The following PARM1 variants were observed in gnomAD, a reference collection of about 807,000 sequenced individuals.
PARM1 encodes the protein WSC4, cell wall integrity and stress response component 4 homolog.
Under a neutral mutation model 24.6 loss-of-function variants are expected in PARM1, and 14 were observed. The observed-to-expected ratio is 0.57, with a 90% confidence interval of 0.38 to 0.89. The LOEUF (loss-of-function observed/expected upper bound fraction) is 0.89, where lower values mean the gene tolerates loss of function less well. PARM1 is among the 40% of genes least tolerant of loss of function. PARM1 has a pLI of 0.00. For missense variants in PARM1, 362 were observed against 380.4 expected (o/e 0.95, Z 0.40); for synonymous variants, 179 against 156.6 (o/e 1.14, Z -1.07).
chr4:75,007,930 A>G, intron 1 of PARM1, among the ~76,000 whole-genome samples: 1 of 152,242 alleles, frequency 6.6e-6, no homozygotes, highest in Admixed American at 6.5e-5. Flanking sequence ...CAGAAACTGA[A>G]TCAGACAGCA....
At chr4:74,966,246 C>T (rs764128421) in intron 1 of PARM1, among the ~76,000 whole-genome samples, 2 of 152,080 alleles carry the variant, frequency 1.3e-5, no homozygotes, top group Non-Finnish European at 2.9e-5. Context: ...TGTTTTAATA[C>T]GTCTTAAAAT....
chr4:74,934,406 G>T (rs545290512), intron 1 of PARM1, among the ~76,000 whole-genome samples: 1 of 152,290 alleles, frequency 6.6e-6, no homozygotes, highest in East Asian at 1.9e-4. Flanking sequence ...CTCTGAGTTC[G>T]TCGGGTTCCT....
intron 1 of PARM1, among the ~76,000 whole-genome samples, chr4:75,000,361 T>G (rs1440636816): frequency 3.3e-5 from 5 of 152,174 alleles, no homozygotes; most frequent in Admixed American, 2.6e-4. Context: ...ACAAGGTATA[T>G]AGTGTTTATT....
At chr4:74,939,672 C>A (rs1721261700) in intron 1 of PARM1, among the ~76,000 whole-genome samples, 1 of 152,070 alleles carries the variant, frequency 6.6e-6, no homozygotes, top group Admixed American at 6.5e-5. Flanking sequence ...GAAGCTGTGG[C>A]TATATAGAGC....
chr4:75,017,115 C>G (rs937121228), intron 2 of PARM1, among the ~76,000 whole-genome samples: 3 of 152,228 alleles, frequency 2.0e-5, no homozygotes, highest in South Asian at 4.1e-4. Context: ...CTGGGCTGAT[C>G]GCCTCCCGTC....
At chr4:74,972,046 G>A (rs909542732) in intron 1 of PARM1, among the ~76,000 whole-genome samples, 2 of 152,202 alleles carry the variant, frequency 1.3e-5, no homozygotes, top group African/African-American at 4.8e-5. Context: ...CTGTAAGTCT[G>A]CAAAGATGAG....
rs187291864 is a variant in PARM1, at chr4:74,950,197, A to C, written c.43+16827A>C. 1.7e-3 allele frequency among the ~76,000 whole-genome samples: 264 copies of C among 152,342 alleles called. 1 individual carries two copies. The highest frequency in any genetic ancestry group is 6.2e-4 in the Non-Finnish European group (42 of 68,040). On this transcript the variant is annotated intron_variant, in intron 1 of 3. Coordinates refer to ENST00000307428, the MANE Select transcript of PARM1 (RefSeq NM_015393.4). The stretch of plus-strand genomic sequence containing the variant: ...ATTGTCTGGGTTTCCTGAGGCTGCC[A>C]TAACAAATTACCATAAACTCGGAAA...
intron 1 of PARM1, among the ~76,000 whole-genome samples, chr4:75,007,867 G>A (rs969567709): frequency 2.0e-5 from 3 of 152,216 alleles, no homozygotes; most frequent in Non-Finnish European, 4.4e-5. Flanking sequence ...GAAAGGTCAC[G>A]TGAGGACACA....
At chr4:74,940,552 C>T (rs1721284350) in intron 1 of PARM1, among the ~76,000 whole-genome samples, 1 of 152,180 alleles carries the variant, frequency 6.6e-6, no homozygotes, top group African/African-American at 2.4e-5. Context: ...ATGATCTAAC[C>T]ACTTCCTAAA....
intron 2 of PARM1, among the ~76,000 whole-genome samples, chr4:75,019,614 C>T (rs1180768737): frequency 1.3e-5 from 2 of 152,188 alleles, no homozygotes; most frequent in Non-Finnish European, 2.9e-5. Context: ...TCCATACCTG[C>T]AAGGGACTTT....
chr4:75,019,242 T>C (rs919054968), intron 2 of PARM1, among the ~76,000 whole-genome samples: 1 of 152,210 alleles, frequency 6.6e-6, no homozygotes, highest in African/African-American at 2.4e-5. Context: ...CTGAACAACA[T>C]TGAATGGTGC....
At chr4:75,036,657 G>T (rs951270178) in intron 3 of PARM1, among the ~76,000 whole-genome samples, 2 of 152,074 alleles carry the variant, frequency 1.3e-5, no homozygotes, top group Admixed American at 1.3e-4. Flanking sequence ...TACTTACCAT[G>T]TTTGGAAAAT....
At chr4:75,035,946 T>G (rs1346820301) in intron 3 of PARM1, among the ~76,000 whole-genome samples, 1 of 152,242 alleles carries the variant, frequency 6.6e-6, no homozygotes, top group Admixed American at 6.5e-5. Context: ...TTTTTCCATC[T>G]GGTTTAATTA....
chr4:75,021,491 G>T lies in PARM1; in HGVS notation c.769+8341G>T, dbSNP rs527528016. Among the ~76,000 whole-genome samples the T allele has an allele frequency of 2.0e-5, 3 of 151,114 alleles. No individual in the cohort carries two copies. The East Asian group carries it at 5.8e-4, about 29-fold the overall frequency. ...TTTATTTCAGTTTTGGAGGGTACATGTGCAGGTCTGTTACATGGGTAAATT... is the reference window on the plus strand; with the variant it reads ...TTTATTTCAGTTTTGGAGGGTACATTTGCAGGTCTGTTACATGGGTAAATT... On this transcript the variant is annotated intron_variant, in intron 2 of 3. Transcript: ENST00000307428.
At chr4:75,034,078 C>T in intron 3 of PARM1, 117 bp downstream of exon 3, 1 of 800,656 alleles carries the variant, frequency 1.2e-6, no homozygotes, top group Non-Finnish European at 2.0e-6. Context: ...GAAATATTGG[C>T]AGAGAAGTGA....
At position 74,963,464 on chromosome 4, in the gene PARM1, T is replaced by A. The variant is rs532187553; in HGVS notation, c.43+30094T>A. ...GGTATATACATGCAGTGAAATATTATTTAATCATGAAAGGGAATATAGTTC... is the reference window on the plus strand; with the variant it reads ...GGTATATACATGCAGTGAAATATTAATTAATCATGAAAGGGAATATAGTTC... On this transcript the variant is annotated intron_variant, in intron 1 of 3. Transcript: ENST00000307428. Among the ~76,000 whole-genome samples, 168 of 152,350 alleles carry A rather than the reference T, an allele frequency of 1.1e-3. 2 individuals are homozygous for A. The highest frequency in any genetic ancestry group is 3.9e-3 in the African/African-American group (162 of 41,588).
At chr4:75,015,577 T>G (rs1312035118) in intron 2 of PARM1, among the ~76,000 whole-genome samples, 1 of 152,198 alleles carries the variant, frequency 6.6e-6, no homozygotes, top group African/African-American at 2.4e-5. Context: ...CTTTGAGATT[T>G]TATAGTTTAA....
intron 2 of PARM1, among the ~76,000 whole-genome samples, chr4:75,020,064 A>G (rs1723063838): frequency 6.6e-6 from 1 of 150,874 alleles, no homozygotes; most frequent in South Asian, 2.1e-4. Flanking sequence ...AAAAATGTAT[A>G]TTGTAGTAAG....
chr4:75,009,652 C>T (rs78034633), intron 1 of PARM1, among the ~76,000 whole-genome samples: 438 of 152,314 alleles, frequency 2.9e-3, no homozygotes, highest in African/African-American at 1.0e-2. Context: ...GTGGCCATAA[C>T]TAAAGTGACA....
Sources: allele counts gnomAD v4.1 joint callset (sites outside exome capture counted in the v4.1 genomes callset), GRCh38; gene constraint gnomAD v4.1.1; transcripts MANE v1.5; gene names NCBI Gene and HGNC (gene_info 2026-07-23, HGNC 2026-07-21).